The following RNF213 variants were observed in gnomAD, a reference collection of about 807,000 sequenced individuals.
RNF213 encodes E3 ubiquitin-protein ligase RNF213.
A neutral mutation model predicts 514.4 loss-of-function variants in RNF213; 341 were observed. The ratio of observed to expected loss-of-function variants is 0.66; its 90% CI spans 0.61 to 0.73. The LOEUF is 0.73. RNF213 is among the 30% of genes least tolerant of loss of function. The probability of loss-of-function intolerance (pLI) is 0.00; values close to 1 mark genes in which losing one functional copy is unlikely to be tolerated. For synonymous variants in RNF213, 2,655 were observed against 2,658.2 expected, an observed-to-expected ratio of 1.00 and a Z score of 0.04; for missense variants, 5,767 against 6,615.6, an observed-to-expected ratio of 0.87 and a Z score of 4.45.
chr17:80,349,611 G>A (rs943023418), intron 29 of RNF213, among the ~76,000 whole-genome samples, 159 bp from the exon 30 acceptor site: 37 of 152,188 alleles, frequency 2.4e-4, no homozygotes, highest in Admixed American at 1.8e-3. Flanking sequence ...CAGCGCTGCC[G>A]TGTTTTGGGA....
rs972959251 is a variant in RNF213, at chr17:80,393,525, G to A, written c.*27G>A. 1 of 1,612,428 alleles carries A rather than the reference G, an allele frequency of 6.2e-7. No individual in the cohort carries two copies. Among genetic ancestry groups the A allele is most frequent in the Non-Finnish European group, 8.5e-7 (1 of 1,179,254 alleles). On this transcript the variant is annotated 3_prime_UTR_variant, in exon 68 of 68. Coordinates refer to ENST00000582970, the MANE Select transcript of RNF213 (RefSeq NM_001256071.3). ...ATTATTTCCTCAGCTATCTTTGGAT[G>A]ACTTTGGAGAGAAGACTCCTCTCTC...
Position 80,288,171 on chromosome 17 carries a change from C to T in RNF213, c.618C>T (p.Asp206=), listed in dbSNP as rs762347582. The T allele has an allele frequency of 2.2e-5, 36 of 1,611,618 alleles. 1 individual carries two copies. Among genetic ancestry groups the T allele is most frequent in the African/African-American group, 2.7e-5 (2 of 74,918 alleles). ...ACCACACGGAAGGGGAGGACCAGGA[C>T]GCTTCCATCCCCTCTGGGGGCAGAG... ...FQDHTEGEDQ[D]ASIPSGGRGL... Residue 206 remains aspartate, a synonymous_variant, in exon 4 of 68, where the codon GAC becomes GAT. Transcript: ENST00000582970. This position sits in a 1 kb window ranked among gnomAD's most constrained non-coding sequence, Gnocchi z 4.9.
intron 12 of RNF213, 82 bp from the exon 13 acceptor site, chr17:80,307,045 AT>A: frequency 3.6e-6 from 5 of 1,405,064 alleles, no homozygotes; most frequent in Non-Finnish European, 5.0e-6. Context: ...TTGATGTTGG[AT>A]TTTTTTCAGC....
In RNF213 at chr17:80,287,805, T is replaced by C. The variant is rs752527941; in HGVS notation, c.262-10T>C. On this transcript the variant is annotated splice_polypyrimidine_tract_variant and intron_variant, in intron 3 of 67. Coordinates refer to ENST00000582970, the MANE Select transcript of RNF213 (RefSeq NM_001256071.3). Reference sequence around the variant, plus strand: ...TAAGAAATAAAGTGAGTGTCTCTCTTTCTGTTTAGAGCAAAAAGAAGAAAA... The same window carrying C: ...TAAGAAATAAAGTGAGTGTCTCTCTCTCTGTTTAGAGCAAAAAGAAGAAAA... The C allele has an allele frequency of 1.9e-6, 3 of 1,613,692 alleles. No homozygotes were observed. Among genetic ancestry groups the C allele is most frequent in the Non-Finnish European group, 2.5e-6 (3 of 1,179,800 alleles).
Position 80,273,322 on chromosome 17 carries a change from G to A in RNF213, c.179G>A (p.Gly60Asp), listed in dbSNP as rs1294887286. The A allele has an allele frequency of 1.9e-6, 3 of 1,613,534 alleles. No homozygotes were observed. Among genetic ancestry groups the A allele is most frequent in the Middle Eastern group, 3.3e-4 (2 of 6,060 alleles). Residue 60 changes from glycine (G) to aspartate (D), a missense_variant, in exon 3 of 68, where the codon GGC (glycine) becomes GAC (aspartate). By Grantham distance (94) the Gly-to-Asp change is moderately conservative. Transcript: ENST00000582970. ...GGGCAGGAGCTGAAGGAGGAAGGGG[G>A]CCCGTGCTTGTTCCCGGGCTCAGAC... Reference protein sequence around the residue: ...ECGQELKEEGGPCLFPGSDSW... With the variant: ...ECGQELKEEGDPCLFPGSDSW...
At chr17:80,295,977 A>G (rs1341842386) in intron 10 of RNF213, among the ~76,000 whole-genome samples, 164 bp downstream of exon 10, 1 of 152,104 alleles carries the variant, frequency 6.6e-6, no homozygotes, top group Non-Finnish European at 1.5e-5. Flanking sequence ...TTTTCCTAGC[A>G]TCTGTCTTAT....
Position 80,298,665 on chromosome 17 carries a change from T to C in RNF213, c.2210+147T>C, listed in dbSNP as rs2045054522. On this transcript the variant is annotated intron_variant, in intron 11 of 67. Coordinates refer to ENST00000582970, the MANE Select transcript of RNF213 (RefSeq NM_001256071.3). The stretch of plus-strand genomic sequence containing the variant: ...CACGCTCTTTTAACATTTTAAGACA[T>C]CAAAACTGTCAAGAATAGGCTGTGC... 3.4e-6 allele frequency: 3 copies of C among 873,794 alleles called. No individual in the cohort carries two copies. The Admixed American group carries it at 6.1e-5, about 18-fold the overall frequency. 54.1% of individuals were successfully genotyped at this position (873,794 alleles called of 1,614,324 possible). A position where few individuals can be genotyped will look rare whatever the true frequency, so the allele number is the denominator to read the frequency against.
At chr17:80,313,847 A>C in intron 15 of RNF213, among the ~76,000 whole-genome samples, 1 of 69,746 alleles carries the variant, frequency 1.4e-5, no homozygotes, top group South Asian at 4.6e-4. Flanking sequence ...TGGTGGAGGT[A>C]CTGGAGGTGA....
At chr17:80,390,409 C>T (rs559008289) in intron 67 of RNF213, among the ~76,000 whole-genome samples, 1 of 152,138 alleles carries the variant, frequency 6.6e-6, no homozygotes, top group Non-Finnish European at 1.5e-5. Context: ...AGACAAGAGT[C>T]TTGCCCTGTT....
chr17:80,360,266 A>T (rs774790232), intron 38 of RNF213, 60 bp downstream of exon 38: 6 of 1,567,186 alleles, frequency 3.8e-6, no homozygotes, highest in Non-Finnish European at 5.2e-6. Context: ...GGATTGCCTG[A>T]CAGTGAAAAG....
At chr17:80,333,643 G>A (rs556511342) in intron 21 of RNF213, among the ~76,000 whole-genome samples, 40 of 151,168 alleles carry the variant, frequency 2.6e-4, no homozygotes, top group Non-Finnish European at 4.7e-4. Context: ...GCAGTGAACC[G>A]AGATCGTGCC....
In RNF213 at chr17:80,339,590, C is replaced by T. The variant is rs2078089485; in HGVS notation, c.5223C>T (p.Val1741=). ...AAAGCAACTGCACCCTGAGGGATGT[C>T]TTAAGGGCCTCTGTGGGGTGTGGGA... ...FIKSNCTLRD[V]LRASVGCGSE... The change falls in exon 26 of 68, where the codon GTC becomes GTT. Residue 1741 remains valine, a synonymous_variant. Transcript: ENST00000582970. The T allele has an allele frequency of 6.5e-7, 1 of 1,537,110 alleles. No individual in the cohort carries two copies. The highest frequency in any genetic ancestry group is 8.7e-7 in the Non-Finnish European group (1 of 1,146,910).
At chr17:80,295,031 C>A in intron 9 of RNF213, 28 bp downstream of exon 9, 3 of 1,613,000 alleles carry the variant, frequency 1.9e-6, no homozygotes, top group Non-Finnish European at 2.5e-6. Flanking sequence ...AGCTGCTCTA[C>A]CTGCTGGGCA....
intron 2 of RNF213, among the ~76,000 whole-genome samples, chr17:80,265,198 C>G (rs1354622333): frequency 6.6e-6 from 1 of 152,070 alleles, no homozygotes; most frequent in African/African-American, 2.4e-5. Flanking sequence ...TGGTACCCAC[C>G]ACCACTCCCG....
At chr17:80,278,043 G>A (rs1459465559) in intron 3 of RNF213, among the ~76,000 whole-genome samples, 1 of 152,236 alleles carries the variant, frequency 6.6e-6, no homozygotes, top group Non-Finnish European at 1.5e-5. Flanking sequence ...GACTAACAGG[G>A]TGTCCTTTGT....
chr17:80,322,029 G>C (rs1470249167), intron 17 of RNF213, among the ~76,000 whole-genome samples: 1 of 152,042 alleles, frequency 6.6e-6, no homozygotes, highest in Non-Finnish European at 1.5e-5. Context: ...CGGCCTCATT[G>C]TGGTTTTTAA....
intron 21 of RNF213, 76 bp downstream of exon 21, chr17:80,332,707 T>C: frequency 2.1e-6 from 3 of 1,431,956 alleles, no homozygotes; most frequent in East Asian, 2.5e-5. Context: ...ATGGGCTTTG[T>C]GGCTTTGAAA....
intron 2 of RNF213, among the ~76,000 whole-genome samples, chr17:80,268,185 G>A (rs2043672677): frequency 6.6e-6 from 1 of 151,660 alleles, no homozygotes; most frequent in Non-Finnish European, 1.5e-5. Flanking sequence ...TTTCTTCAAC[G>A]TCCATTGTTG....
intron 2 of RNF213, among the ~76,000 whole-genome samples, chr17:80,272,075 G>C (rs1454306481): frequency 6.6e-6 from 1 of 151,794 alleles, no homozygotes; most frequent in Non-Finnish European, 1.5e-5. Context: ...ATGAGGTCAG[G>C]AGTTCAAGAC....
Sources: gnomAD v4.1 joint callset for allele counts (sites outside exome capture counted in the v4.1 genomes callset) on GRCh38, gnomAD v4.1.1 for gene constraint, Gnocchi (gnomAD v3.1) non-coding constraint, MANE v1.5 for transcripts, NCBI Gene and HGNC (gene_info 2026-07-23, HGNC 2026-07-21) for gene names.